The following ARID4B variants were observed in gnomAD, a reference collection of about 807,000 sequenced individuals.
ARID4B encodes AT-rich interaction domain 4B, also known as AT-rich interactive domain-containing protein 4B.
ARID4B carries 26 observed loss-of-function variants against 147.5 expected under a neutral mutation model. The observed-to-expected ratio is 0.18, with a 90% CI of 0.13 to 0.24. ARID4B has a LOEUF of 0.24. ARID4B is among the 10% of genes least tolerant of loss of function. The pLI is 1.00. For synonymous variants in ARID4B, 512 were observed against 507.9 expected (o/e 1.01, Z -0.11); for missense variants, 1,179 against 1,511.5 (o/e 0.78, Z 3.65).
chr1:235,281,051 A>G (rs1671641494), intron 2 of ARID4B, among the ~76,000 whole-genome samples: 1 of 152,054 alleles, frequency 6.6e-6, no homozygotes, highest in African/African-American at 2.4e-5. Context: ...CTAAGTAAAC[A>G]CTCACCAACT....
chr1:235,246,894 A>G (rs1030351288), intron 6 of ARID4B, among the ~76,000 whole-genome samples: 2 of 152,168 alleles, frequency 1.3e-5, no homozygotes, highest in African/African-American at 4.8e-5. Flanking sequence ...ATTAATTTGT[A>G]CATGGGGAAT....
intron 2 of ARID4B, among the ~76,000 whole-genome samples, chr1:235,292,849 C>T (rs376947511): frequency 9.1e-4 from 139 of 152,216 alleles, no homozygotes; most frequent in African/African-American, 3.2e-3. Flanking sequence ...AAAGTCTCTG[C>T]TGAGCAGAAA....
intron 19 of ARID4B, 54 bp from the exon 20 acceptor site, chr1:235,182,847 C>G: frequency 1.3e-6 from 2 of 1,506,560 alleles, no homozygotes; most frequent in Non-Finnish European, 1.8e-6. Flanking sequence ...CTAGCAATGT[C>G]TTCTATGTGC....
chr1:235,254,530 A>G lies in ARID4B; in HGVS notation c.274+1130T>C, dbSNP rs10925244. ...GAAGAATACATTAGAAAATAGATTT[A>G]TAACACTGATGGAAGGCTTTAAGAT... On this transcript the variant is annotated intron_variant, in intron 5 of 23. Coordinates refer to ENST00000264183, the MANE Select transcript of ARID4B (RefSeq NM_016374.6). 9.9e-3 allele frequency among the ~76,000 whole-genome samples: 1,512 copies of G among 152,072 alleles called. 27 individuals are homozygous for G. Among genetic ancestry groups the G allele is most frequent in the African/African-American group, 0.035 (1,456 of 41,566 alleles).
Position 235,213,982 on chromosome 1 carries a change from T to A in ARID4B, c.1628A>T (p.Glu543Val). 1 of 1,590,684 alleles carries A rather than the reference T, an allele frequency of 6.3e-7. No individual in the cohort carries two copies. Among genetic ancestry groups the A allele is most frequent in the Non-Finnish European group, 8.6e-7 (1 of 1,159,174 alleles). Reference sequence around the variant, plus strand: ...TTCTTCTTCCTCCTCCTCCTCCTCTTCTGCTTCTTCATCATCTTCATCTTC... The same window carrying A: ...TTCTTCTTCCTCCTCCTCCTCCTCTACTGCTTCTTCATCATCTTCATCTTC... ...KEEDEDDEEA[E>V]EEEEEEEEEE... Residue 543 changes from glutamate (E) to valine (V), a missense_variant, in exon 17 of 24, where the codon GAA becomes GTA. Physicochemically the swap from Glu to Val is moderately radical, Grantham distance 121 (BLOSUM62 -2). This residue lies in a region of ARID4B where 204 missense variants were observed against 210.9 expected (regional missense o/e 0.97). Coordinates refer to ENST00000264183, the MANE Select transcript of ARID4B (RefSeq NM_016374.6).
chr1:235,166,971 T>C lies in ARID4B; in HGVS notation c.*1554A>G, dbSNP rs1469829330. 1 of 179,744 alleles carries C rather than the reference T, an allele frequency of 5.6e-6. No homozygotes were observed. The highest frequency in any genetic ancestry group is 1.2e-5 in the Non-Finnish European group (1 of 83,686). The allele number at this position is 179,744 out of a possible 1,614,324, so 11.1% of individuals were successfully genotyped here. ...GTACAATATATTACATAATTCTTCA[T>C]TGTTTGCAGATCCTAATATATACTT... On this transcript the variant is annotated 3_prime_UTR_variant, in exon 24 of 24. Transcript: ENST00000264183.
intron 2 of ARID4B, among the ~76,000 whole-genome samples, chr1:235,280,039 A>G (rs1381533319): frequency 1.3e-5 from 2 of 152,150 alleles, no homozygotes; most frequent in East Asian, 3.8e-4. Context: ...TGACTAATAC[A>G]ATACACTGAG....
chr1:235,270,641 G>C (rs910725928), intron 2 of ARID4B, among the ~76,000 whole-genome samples: 1 of 152,162 alleles, frequency 6.6e-6, no homozygotes, highest in African/African-American at 2.4e-5. Context: ...AGAGAAATTG[G>C]GAGAGACATT....
intron 20 of ARID4B, among the ~76,000 whole-genome samples, chr1:235,179,361 C>T (rs1664115819): frequency 6.6e-6 from 1 of 151,306 alleles, no homozygotes; most frequent in Non-Finnish European, 1.5e-5. Flanking sequence ...ATGGCGAAAC[C>T]CCATCTCTAC....
At chr1:235,247,345 G>A (rs1452130290) in intron 6 of ARID4B, among the ~76,000 whole-genome samples, 1 of 152,072 alleles carries the variant, frequency 6.6e-6, no homozygotes, top group Non-Finnish European at 1.5e-5. Context: ...CTAAACTAAT[G>A]TAATATGTAA....
At chr1:235,293,659 A>G (rs1032043461) in intron 2 of ARID4B, among the ~76,000 whole-genome samples, 9 of 152,198 alleles carry the variant, frequency 5.9e-5, no homozygotes, top group African/African-American at 9.6e-5. Flanking sequence ...AACCAAAAAA[A>G]AAAAATGATG....
intron 8 of ARID4B, among the ~76,000 whole-genome samples, chr1:235,237,317 C>T (rs1040650463): frequency 8.5e-5 from 13 of 152,110 alleles, no homozygotes; most frequent in African/African-American, 3.1e-4. Flanking sequence ...ACTCAGTTTC[C>T]TTATCTCTAC....
chr1:235,227,986 C>T (rs769071997), intron 11 of ARID4B, among the ~76,000 whole-genome samples: 1 of 151,910 alleles, frequency 6.6e-6, no homozygotes, highest in South Asian at 2.1e-4. Flanking sequence ...GTGTCCACCA[C>T]CACACCTGGC....
intron 17 of ARID4B, among the ~76,000 whole-genome samples, chr1:235,199,999 T>C (rs1302975173): frequency 9.9e-6 from 1 of 100,682 alleles, no homozygotes; most frequent in East Asian, 2.6e-4. Context: ...TTTCAAAGAA[T>C]AGGGAAAAAA....
intron 19 of ARID4B, among the ~76,000 whole-genome samples, chr1:235,189,349 G>A (rs1571929074): frequency 7.6e-6 from 1 of 132,222 alleles, no homozygotes; most frequent in South Asian, 2.4e-4. Flanking sequence ...GCAGTGAGCC[G>A]AGATCATGCC....
chr1:235,242,673 T>C (rs536332309), intron 7 of ARID4B, among the ~76,000 whole-genome samples: 1 of 152,336 alleles, frequency 6.6e-6, no homozygotes, highest in East Asian at 1.9e-4. Context: ...ATCTGCATCA[T>C]TGTAAAAATT....
chr1:235,311,363 A>AATAATG (rs1674038986), intron 2 of ARID4B, among the ~76,000 whole-genome samples: 1 of 44,924 alleles, frequency 2.2e-5, no homozygotes, highest in Non-Finnish European at 5.0e-5. Flanking sequence ...AAACAATAAT[A>AATAATG]ATAATAATAA....
chr1:235,321,097 A>C (rs959546926), intron 2 of ARID4B, among the ~76,000 whole-genome samples: 1 of 152,238 alleles, frequency 6.6e-6, no homozygotes, highest in Non-Finnish European at 1.5e-5. Flanking sequence ...GGTACAAGGA[A>C]AGTACACAAT....
intron 21 of ARID4B, chr1:235,176,629 G>C (rs1663904125): frequency 7.9e-6 from 2 of 251,706 alleles, no homozygotes; most frequent in Non-Finnish European, 1.7e-5. Context: ...GGAACCCCTG[G>C]CAACTCCTAG....
Sources: gnomAD v4.1 joint callset for allele counts (sites outside exome capture counted in the v4.1 genomes callset) on GRCh38, gnomAD v4.1.1 for gene constraint, gnomAD v4.1.1 regional missense constraint, MANE v1.5 for transcripts, NCBI Gene and HGNC (gene_info 2026-07-23, HGNC 2026-07-21) for gene names.